KMT2C: variants seen among roughly 807,000 people sequenced by gnomAD.
KMT2C encodes the protein lysine methyltransferase 2C.
Under a neutral mutation model 507.9 loss-of-function variants are expected in KMT2C, and 88 were observed. The ratio of observed to expected loss-of-function variants is 0.17; its 90% CI spans 0.15 to 0.21. The LOEUF is 0.21. Ranked by LOEUF, KMT2C falls within the 10% of genes least tolerant of loss-of-function variation. The pLI is 1.00. For synonymous variants in KMT2C, 2,049 were observed against 2,080.8 expected, an observed-to-expected ratio of 0.98 and a Z score of 0.42; for missense variants, 4,954 against 5,957.8, an observed-to-expected ratio of 0.83 and a Z score of 5.55.
chr7:152,256,287 T>G (rs1325568897), intron 9 of KMT2C, among the ~76,000 whole-genome samples: 3 of 151,680 alleles, frequency 2.0e-5, no homozygotes, highest in South Asian at 2.1e-4. Context: ...CAAAAGAAGA[T>G]TAATAAATCT....
intron 1 of KMT2C, among the ~76,000 whole-genome samples, chr7:152,389,899 C>T (rs2097476509): frequency 6.6e-6 from 1 of 152,174 alleles, no homozygotes; most frequent in Non-Finnish European, 1.5e-5. Flanking sequence ...TTCGCAGCAA[C>T]ATGGATGGAG....
At chr7:152,378,553 G>A (rs2097346913) in intron 1 of KMT2C, among the ~76,000 whole-genome samples, 2 of 152,240 alleles carry the variant, frequency 1.3e-5, no homozygotes, top group South Asian at 2.1e-4. Flanking sequence ...ACATGCACTG[G>A]TAAACCAAAA....
rs866722105 is a variant in KMT2C, at chr7:152,171,337, G to A, written c.9380C>T (p.Pro3127Leu). ...GMPPMVMSRF[P>L]FMGQVVTGTQ... is the part of the protein sequence containing the mutation. ...TCCAGTTACCACCTGGCCCATAAAA[G>A]GGAACCTGTCAAAACAGGGTACACA... Residue 3127 changes from proline (P) to leucine (L), a missense_variant, in exon 40 of 59, where the codon CCT becomes CTT. Pro to Leu is a moderately conservative substitution (Grantham distance 98). This residue lies in a region of KMT2C where 1,689 missense variants were observed against 1,654.3 expected (regional missense o/e 1.02). Transcript: ENST00000262189. 6.2e-7 allele frequency: 1 copy of A among 1,602,526 alleles called. No homozygotes were observed. Among genetic ancestry groups the A allele is most frequent in the Non-Finnish European group, 8.5e-7 (1 of 1,174,102 alleles).
At chr7:152,367,943 A>G (rs796969362) in intron 1 of KMT2C, 30 of 952,348 alleles carry the variant, frequency 3.2e-5, no homozygotes, top group African/African-American at 2.9e-4. Context: ...AAGCAGACAC[A>G]CTTATACCAG....
intron 1 of KMT2C, among the ~76,000 whole-genome samples, chr7:152,366,333 A>G (rs1433010438): frequency 6.6e-6 from 1 of 152,236 alleles, no homozygotes; most frequent in Non-Finnish European, 1.5e-5. Flanking sequence ...ATAAAACATA[A>G]TTAACAGTTA....
intron 1 of KMT2C, among the ~76,000 whole-genome samples, chr7:152,395,783 C>T (rs1365634975): frequency 6.6e-6 from 1 of 152,198 alleles, no homozygotes; most frequent in Non-Finnish European, 1.5e-5. Flanking sequence ...AACCACCCCA[C>T]TTTCTAAGTT....
At chr7:152,184,239 CTATA>C (rs151119215) in intron 34 of KMT2C, among the ~76,000 whole-genome samples, 1 of 150,292 alleles carries the variant, frequency 6.7e-6, no homozygotes, top group Non-Finnish European at 1.5e-5. Context: ...ATTAACACAT[CTATA>C]TATATATATG....
intron 2 of KMT2C, among the ~76,000 whole-genome samples, chr7:152,349,094 T>A (rs928856611): frequency 6.6e-6 from 1 of 152,108 alleles, no homozygotes; most frequent in Admixed American, 6.6e-5. Context: ...CTCTGGTCCA[T>A]CCAAACAATA....
chr7:152,173,256 T>G (rs2093045330), intron 39 of KMT2C, among the ~76,000 whole-genome samples: 1 of 152,200 alleles, frequency 6.6e-6, no homozygotes. Context: ...CGTGCAAATT[T>G]TATATTCAAT....
intron 42 of KMT2C, among the ~76,000 whole-genome samples, chr7:152,164,910 G>A (rs1374323566): frequency 6.6e-6 from 1 of 152,126 alleles, no homozygotes; most frequent in Non-Finnish European, 1.5e-5. Context: ...AGGGAAAGAA[G>A]GAATGCAAAA....
At chr7:152,227,817 T>G (rs2129149643) in intron 18 of KMT2C, among the ~76,000 whole-genome samples, 1 of 152,298 alleles carries the variant, frequency 6.6e-6, no homozygotes, top group African/African-American at 2.4e-5. Flanking sequence ...TACTGGGAAT[T>G]TGTAAGCTGC....
At chr7:152,371,386 T>TA (rs143452702) in intron 1 of KMT2C, among the ~76,000 whole-genome samples, 9,894 of 152,080 alleles carry the variant, frequency 0.065, 405 homozygotes, top group Non-Finnish European at 0.096. Context: ...CTGTAGTAGA[T>TA]ACATAAACCA....
chr7:152,318,576 G>T (rs968380905), intron 3 of KMT2C, among the ~76,000 whole-genome samples: 1 of 141,510 alleles, frequency 7.1e-6, no homozygotes, highest in Non-Finnish European at 1.5e-5. Flanking sequence ...GCAGTGAGCC[G>T]AGATCGCACC....
Position 152,182,473 on chromosome 7 carries a change from T to G in KMT2C, c.5387A>C (p.Gln1796Pro). 1 of 1,614,186 alleles carries G rather than the reference T, an allele frequency of 6.2e-7. No individual in the cohort carries two copies. Among genetic ancestry groups the G allele is most frequent in the Non-Finnish European group, 8.5e-7 (1 of 1,180,004 alleles). Residue 1796 changes from glutamine to proline, a missense_variant, in exon 36 of 59, where the codon CAG (glutamine) becomes CCG (proline). Gln to Pro is a moderately conservative substitution (Grantham distance 76). Coordinates refer to ENST00000262189, the MANE Select transcript of KMT2C (RefSeq NM_170606.3). ...ACTACTTGGTGTATCTGAACCAGAC[T>G]GCACCAGAAGATGCTGAGAACCAAA... ...QQFGSQHLLV[Q>P]SGSDTPSSGI...
At chr7:152,431,825 T>C (rs2097864865) in intron 1 of KMT2C, among the ~76,000 whole-genome samples, 1 of 152,218 alleles carries the variant, frequency 6.6e-6, no homozygotes, top group Non-Finnish European at 1.5e-5. Flanking sequence ...TCATAAAAAT[T>C]ACAAATTTGC....
intron 6 of KMT2C, among the ~76,000 whole-genome samples, chr7:152,302,750 T>G (rs2096580981): frequency 6.6e-6 from 1 of 151,880 alleles, no homozygotes; most frequent in South Asian, 2.1e-4. Context: ...CAAGAAATTC[T>G]CCTGCCTCAG....
At chr7:152,382,111 C>A (rs1472341876) in intron 1 of KMT2C, among the ~76,000 whole-genome samples, 4 of 152,232 alleles carry the variant, frequency 2.6e-5, no homozygotes, top group Admixed American at 1.3e-4. Context: ...TTTTCCAACT[C>A]TTTTTTCCAC....
At position 152,311,261 on chromosome 7, in the gene KMT2C, A is replaced by C. The variant is rs560725344; in HGVS notation, c.739+537T>G. ...TCATCCCACAGTGAGAGCACGTATCAATGATTATTAACACTTCAGCCTTTA... is the reference window on the plus strand; with the variant it reads ...TCATCCCACAGTGAGAGCACGTATCCATGATTATTAACACTTCAGCCTTTA... On this transcript the variant is annotated intron_variant, in intron 5 of 58. Transcript: ENST00000262189. 4.6e-5 allele frequency among the ~76,000 whole-genome samples: 7 copies of C among 152,288 alleles called. No homozygotes were observed. In the South Asian group the frequency reaches 1.5e-3, roughly 32 times the overall value.
Position 152,139,713 on chromosome 7 carries a change from C to T in KMT2C, c.14422G>A (p.Glu4808Lys), listed in dbSNP as rs1179701584. Residue 4808 changes from glutamate (E) to lysine (K), a missense_variant, in exon 56 of 59, where the codon GAA becomes AAA. This residue lies in a region of KMT2C where 133 missense variants were observed against 258.9 expected (regional missense o/e 0.51). Coordinates refer to ENST00000262189, the MANE Select transcript of KMT2C (RefSeq NM_170606.3). Reference sequence around the variant, plus strand: ...AGCTTCTCTTTCCTGTTGGCTACTTCGTTTCGAATGATAGTCCCGATGTAC... The same window carrying T: ...AGCTTCTCTTTCCTGTTGGCTACTTTGTTTCGAATGATAGTCCCGATGTAC... ...IEYIGTIIRN[E>K]VANRKEKLYE... 2 of 1,613,842 alleles carry T rather than the reference C, an allele frequency of 1.2e-6. No individual in the cohort carries two copies. The highest frequency in any genetic ancestry group is 1.3e-5 in the African/African-American group (1 of 74,882).
Sources: gnomAD v4.1 joint callset for allele counts (sites outside exome capture counted in the v4.1 genomes callset) on GRCh38, gnomAD v4.1.1 for gene constraint, gnomAD v4.1.1 regional missense constraint, MANE v1.5 for transcripts, NCBI Gene and HGNC (gene_info 2026-07-23, HGNC 2026-07-21) for gene names.